DNAJC4: variants seen among roughly 807,000 people sequenced by gnomAD.
The protein encoded by DNAJC4 is DnaJ heat shock protein family (Hsp40) member C4.
Under a neutral mutation model 26.8 loss-of-function variants are expected in DNAJC4, and 26 were observed. The observed-to-expected ratio is 0.97, with a 90% confidence interval of 0.71 to 1.34. DNAJC4 has a LOEUF of 1.34. Ranked by LOEUF, DNAJC4 falls within the 40% of genes most tolerant of loss-of-function variation. DNAJC4 has a pLI of 0.00. For missense variants in DNAJC4, 342 were observed against 321.1 expected (o/e 1.07, Z -0.50); for synonymous variants, 134 against 127.8 (o/e 1.05, Z -0.33).
At chr11:64,231,167 C>A in intron 1 of DNAJC4, 1 of 682,644 alleles carries the variant, frequency 1.5e-6, no homozygotes, top group Non-Finnish European at 2.7e-6. Flanking sequence ...AACGCTCTTA[C>A]CACAGCTCTA....
In DNAJC4 at chr11:64,234,079, C is replaced by T. The variant is rs1947213624; in HGVS notation, c.621C>T (p.Asn207=). Residue 207 remains asparagine, a synonymous_variant, in exon 6 of 6, where the codon AAC becomes AAT. Transcript: ENST00000628077. The surrounding 1 kb of genome is among the most constrained non-coding windows in gnomAD (Gnocchi z 5.3). ...YNEARARARA[N]RGILQQERQR... ...CAGGTGCCCTCTCCTCCAGGGCCAACAGAGGCATCCTTCAGCAGGAGCGAC... is the reference window on the plus strand; with the variant it reads ...CAGGTGCCCTCTCCTCCAGGGCCAATAGAGGCATCCTTCAGCAGGAGCGAC... 3.7e-6 allele frequency: 6 copies of T among 1,612,588 alleles called. No individual in the cohort carries two copies. The South Asian group carries it at 5.5e-5, about 15-fold the overall frequency.
At chr11:64,233,207 C>T (rs1296984188) in intron 4 of DNAJC4, among the ~76,000 whole-genome samples, 2 of 152,002 alleles carry the variant, frequency 1.3e-5, no homozygotes, top group African/African-American at 2.4e-5. Context: ...ACGCGTGCCA[C>T]GGAGCTGATT....
chr11:64,231,112 C>T (rs1462551123), intron 1 of DNAJC4, 172 bp downstream of exon 1: 2 of 860,968 alleles, frequency 2.3e-6, no homozygotes, highest in East Asian at 2.7e-5. Context: ...AGGTCATACA[C>T]CGATTTAAGC....
At chr11:64,233,691 C>T in intron 4 of DNAJC4, 1 of 645,628 alleles carries the variant, frequency 1.5e-6, no homozygotes, top group South Asian at 2.0e-5. Context: ...CTCAAAGTGA[C>T]CAGGGACTTC....
At position 64,234,232 on chromosome 11, in the gene DNAJC4, T is replaced by G; in HGVS notation, c.*48T>G. 6.6e-7 allele frequency: 1 copy of G among 1,522,544 alleles called. No homozygotes were observed. Among genetic ancestry groups the G allele is most frequent in the African/African-American group, 1.4e-5 (1 of 72,512 alleles). 94.3% of individuals were successfully genotyped at this position (1,522,544 alleles called of 1,614,324 possible). A position where few individuals can be genotyped will look rare whatever the true frequency, so the allele number is the denominator to read the frequency against. On this transcript the variant is annotated 3_prime_UTR_variant, in exon 6 of 6. Transcript: ENST00000628077. This position sits in a 1 kb window ranked among gnomAD's most constrained non-coding sequence, Gnocchi z 5.3. ...GCAGTGCGTTCCCGCTTTGCTTCCT[T>G]CCCTGGACGGCCCGCTCCCCGAAAC...
chr11:64,230,456 C>A (rs902783022), upstream of DNAJC4: 1 of 526,634 alleles, frequency 1.9e-6, no homozygotes, highest in African/African-American at 1.9e-5. Context: ...GGCATCCACG[C>A]CAATGAGAAT....
At position 64,230,747 on chromosome 11, in the gene DNAJC4, A is replaced by G; in HGVS notation, c.-108A>G. 1 of 1,452,612 alleles carries G rather than the reference A, an allele frequency of 6.9e-7. No individual in the cohort carries two copies. The highest frequency in any genetic ancestry group is 9.3e-7 in the Non-Finnish European group (1 of 1,071,410). The allele number at this position is 1,452,612 out of a possible 1,614,324, so 90.0% of individuals were successfully genotyped here. On this transcript the variant is annotated 5_prime_UTR_variant, in exon 1 of 6. Transcript: ENST00000628077. Reference sequence around the variant, plus strand: ...GGCCTGCTTCAGTCTTCCTTTGCAGAACAACGGGCCAGGCCCCTTCCCTCT... The same window carrying G: ...GGCCTGCTTCAGTCTTCCTTTGCAGGACAACGGGCCAGGCCCCTTCCCTCT...
chr11:64,231,557 T>C (rs1037815399), intron 1 of DNAJC4: 4 of 267,368 alleles, frequency 1.5e-5, no homozygotes, highest in African/African-American at 8.8e-5. Context: ...GTCAGGCTGG[T>C]CTTGAACTCC....
intron 1 of DNAJC4, 150 bp from the exon 2 acceptor site, chr11:64,231,721 G>GGGT: frequency 1.5e-6 from 1 of 649,624 alleles, no homozygotes; most frequent in South Asian, 1.9e-5. Flanking sequence ...ACTCCAAAGG[G>GGGT]GGTGCTGATC....
Position 64,234,062 on chromosome 11 carries a change from C to G in DNAJC4, c.615-11C>G. Reference sequence around the variant, plus strand: ...TCCCTATCCCAACCACCCAGGTGCCCTCTCCTCCAGGGCCAACAGAGGCAT... The same window carrying G: ...TCCCTATCCCAACCACCCAGGTGCCGTCTCCTCCAGGGCCAACAGAGGCAT... On this transcript the variant is annotated splice_polypyrimidine_tract_variant and intron_variant, in intron 5 of 5. Coordinates refer to ENST00000628077, the MANE Select transcript of DNAJC4 (RefSeq NM_005528.4). This position sits in a 1 kb window ranked among gnomAD's most constrained non-coding sequence, Gnocchi z 5.3. 6.2e-7 allele frequency: 1 copy of G among 1,613,366 alleles called. No individual in the cohort carries two copies. The highest frequency in any genetic ancestry group is 8.5e-7 in the Non-Finnish European group (1 of 1,179,908).
intron 1 of DNAJC4, 165 bp from the exon 2 acceptor site, chr11:64,231,706 G>C (rs1947178837): frequency 4.8e-6 from 3 of 618,838 alleles, no homozygotes; most frequent in Admixed American, 2.9e-5. Context: ...CACTATGCCT[G>C]AAACACTCCA....
rs535889665 is a variant in DNAJC4 at position 64,232,332 on chromosome 11, T to G, written c.181-98T>G. On this transcript the variant is annotated intron_variant, in intron 2 of 5. Coordinates refer to ENST00000628077, the MANE Select transcript of DNAJC4 (RefSeq NM_005528.4). ...TGAGGGTCACTGACCAGGCAGGGCC[T>G]CTGGGTATGACTGGAGCCCTGGTGG... 183 of 1,425,934 alleles carry G rather than the reference T, an allele frequency of 1.3e-4. 2 individuals carry two copies. The East Asian group carries it at 4.3e-3, about 33-fold the overall frequency. The allele number at this position is 1,425,934 out of a possible 1,614,324, so 88.3% of individuals were successfully genotyped here.
At position 64,231,903 on chromosome 11, in the gene DNAJC4, G is replaced by C. The variant is rs770901600; in HGVS notation, c.119G>C (p.Gly40Ala). 1 of 1,614,082 alleles carries C rather than the reference G, an allele frequency of 6.2e-7. No individual in the cohort carries two copies. The highest frequency in any genetic ancestry group is 2.2e-5 in the East Asian group (1 of 44,880). The change falls in exon 2 of 6, where the codon GGG becomes GCG. Residue 40 changes from glycine (G) to alanine (A), a missense_variant. Gly to Ala is a moderately conservative substitution (Grantham distance 60). Coordinates refer to ENST00000628077, the MANE Select transcript of DNAJC4 (RefSeq NM_005528.4). ...CCCAGTACTTATTATGAACTGTTGG[G>C]GGTGCATCCTGGTGCCAGCACTGAG... ...SRPSTYYELL[G>A]VHPGASTEEV...
chr11:64,232,804 G>GTGCT lies in DNAJC4; in HGVS notation c.467_470dup (p.Gly158AlafsTer28), dbSNP rs753719279. On this transcript the variant is annotated frameshift_variant, in exon 4 of 6. Transcript: ENST00000628077. LOFTEE classifies it high-confidence loss of function. The stretch of plus-strand genomic sequence containing the variant: ...GCAGCAACACAAACAAAACAAACAA[G>GTGCT]TGCTGGGGTACTGCCTCCTCCTCAT... 4.3e-6 allele frequency: 7 copies of GTGCT among 1,613,296 alleles called. No individual in the cohort carries two copies. The highest frequency in any genetic ancestry group is 5.9e-6 in the Non-Finnish European group (7 of 1,179,652).
At position 64,233,963 on chromosome 11, in the gene DNAJC4, A is replaced by G. The variant is rs1565315413; in HGVS notation, c.597A>G (p.Glu199=). Residue 199 remains glutamate (E), a synonymous_variant, in exon 5 of 6, where the codon GAA becomes GAG. Transcript: ENST00000628077. ...GGATCATCACAGCCTTCTACAACGA[A>G]GCCCGGGCACGGGCCAGGTCTGTCC... ...KDRIITAFYN[E]ARARARANRG... is the part of the protein sequence containing the mutation. 6.2e-7 allele frequency: 1 copy of G among 1,614,070 alleles called. No homozygotes were observed. Among genetic ancestry groups the G allele is most frequent in the East Asian group, 2.2e-5 (1 of 44,880 alleles).
chr11:64,230,700 G>C lies in DNAJC4; in HGVS notation c.-155G>C. ...CCAAGGACACGCGGGTCTGGTCCTG[G>C]GCAAGAACCGCCCCCTCTCCGGGCC... On this transcript the variant is annotated 5_prime_UTR_variant, in exon 1 of 6. Transcript: ENST00000628077. 1.9e-6 allele frequency: 2 copies of C among 1,044,840 alleles called. No homozygotes were observed. The highest frequency in any genetic ancestry group is 2.8e-6 in the Non-Finnish European group (2 of 711,454). The allele number at this position is 1,044,840 out of a possible 1,614,324, so 64.7% of individuals were successfully genotyped here.
At chr11:64,231,799 G>A (rs1279894413) in intron 1 of DNAJC4, 72 bp from the exon 2 acceptor site, 2 of 1,430,836 alleles carry the variant, frequency 1.4e-6, no homozygotes, top group Non-Finnish European at 2.0e-6. Context: ...TGAAGGGTGT[G>A]GCCCAGAAGG....
Position 64,230,852 on chromosome 11 carries a change from G to T in DNAJC4, c.-3G>T. On this transcript the variant is annotated 5_prime_UTR_variant, in exon 1 of 6. Coordinates refer to ENST00000628077, the MANE Select transcript of DNAJC4 (RefSeq NM_005528.4). ...CTCCTTTCCCAGCTGCCCGCCCGCC[G>T]CCATGCCGCCCTTACTGCCCCTGCG... 1.9e-6 allele frequency: 3 copies of T among 1,597,388 alleles called. No individual in the cohort carries two copies. The highest frequency in any genetic ancestry group is 2.3e-5 in the East Asian group (1 of 44,236).
chr11:64,234,220 G>A lies in DNAJC4; in HGVS notation c.*36G>A. The A allele has an allele frequency of 6.5e-7, 1 of 1,532,278 alleles. No individual in the cohort carries two copies. The allele number at this position is 1,532,278 out of a possible 1,614,324, so 94.9% of individuals were successfully genotyped here. ...TGGATGGGGCCTGCAGTGCGTTCCC[G>A]CTTTGCTTCCTTCCCTGGACGGCCC... On this transcript the variant is annotated 3_prime_UTR_variant, in exon 6 of 6. Coordinates refer to ENST00000628077, the MANE Select transcript of DNAJC4 (RefSeq NM_005528.4). This position sits in a 1 kb window ranked among gnomAD's most constrained non-coding sequence, Gnocchi z 5.3.
Sources: gnomAD v4.1 joint callset for allele counts (sites outside exome capture counted in the v4.1 genomes callset) on GRCh38, gnomAD v4.1.1 for gene constraint, Gnocchi (gnomAD v3.1) non-coding constraint, MANE v1.5 for transcripts, NCBI Gene and HGNC (gene_info 2026-07-23, HGNC 2026-07-21) for gene names.